Variants in JAKMIP1 observed in about 807,000 individuals in gnomAD.
The protein encoded by JAKMIP1 is janus kinase and microtubule interacting protein 1.
JAKMIP1 carries 33 observed loss-of-function variants against 113.0 expected under a neutral mutation model. The observed-to-expected ratio is 0.29, with a 90% CI of 0.22 to 0.39. The LOEUF (loss-of-function observed/expected upper bound fraction) is 0.39, where lower values mean the gene tolerates loss of function less well. Among genes scored for constraint, JAKMIP1 ranks in the 10% least tolerant of loss-of-function variants. The pLI, the probability that JAKMIP1 is intolerant of heterozygous loss-of-function variation, is 1.00. For synonymous variants in JAKMIP1, 480 were observed against 459.9 expected (o/e 1.04, Z -0.56); for missense variants, 813 against 1,080.5 (o/e 0.75, Z 3.47).
chr4:6,070,322 C>T (rs1446501268), intron 8 of JAKMIP1: 1 of 385,102 alleles, frequency 2.6e-6, no homozygotes, highest in African/African-American at 2.1e-5. Flanking sequence ...CCTAGCAACT[C>T]CACGGCTTCC....
intron 20 of JAKMIP1, among the ~76,000 whole-genome samples, chr4:6,026,776 C>G (rs924514442): frequency 6.6e-6 from 1 of 152,160 alleles, no homozygotes; most frequent in African/African-American, 2.4e-5. Context: ...GCCCAACCCT[C>G]TACCCACAGG....
chr4:6,077,228 C>T (rs1719804984), intron 8 of JAKMIP1, among the ~76,000 whole-genome samples: 1 of 152,198 alleles, frequency 6.6e-6, no homozygotes, highest in African/African-American at 2.4e-5. Context: ...GGGTGGACTC[C>T]TAATCCAGCA....
At chr4:6,133,922 G>A (rs1476928477) in intron 1 of JAKMIP1, among the ~76,000 whole-genome samples, 2 of 152,212 alleles carry the variant, frequency 1.3e-5, no homozygotes, top group African/African-American at 4.8e-5. Flanking sequence ...ATGACCAGAC[G>A]GAGGGGGCTG....
intron 2 of JAKMIP1, among the ~76,000 whole-genome samples, chr4:6,109,882 A>C (rs1222969374): frequency 6.6e-6 from 1 of 152,328 alleles, no homozygotes; most frequent in African/African-American, 2.4e-5. Context: ...CTGAATTCTC[A>C]GAGAATTGAA....
At chr4:6,111,906 T>C (rs1011192241) in intron 2 of JAKMIP1, among the ~76,000 whole-genome samples, 7 of 152,230 alleles carry the variant, frequency 4.6e-5, no homozygotes, top group South Asian at 2.1e-4. Context: ...CAAGACCTCA[T>C]GGCAGCATAA....
At chr4:6,191,348 C>G (rs1446450923) in intron 1 of JAKMIP1, among the ~76,000 whole-genome samples, 1 of 152,204 alleles carries the variant, frequency 6.6e-6, no homozygotes, top group Admixed American at 6.5e-5. Context: ...CTGAGGCCCT[C>G]AGAGAACTCA....
intron 5 of JAKMIP1, among the ~76,000 whole-genome samples, chr4:6,084,199 C>A (rs1452172654): frequency 6.6e-6 from 1 of 151,978 alleles, no homozygotes; most frequent in East Asian, 1.9e-4. Context: ...TGCCTGTAAT[C>A]CCAGCTACTC....
chr4:6,103,926 C>G (rs758600847), intron 3 of JAKMIP1, among the ~76,000 whole-genome samples: 13 of 149,026 alleles, frequency 8.7e-5, no homozygotes, highest in Non-Finnish European at 2.0e-4. Context: ...TTAATTAACT[C>G]TTGAATTTGT....
At position 6,064,768 on chromosome 4, in the gene JAKMIP1, C is replaced by T. The variant is rs1717813498; in HGVS notation, c.1431+112G>A. 1 of 1,390,930 alleles carries T rather than the reference C, an allele frequency of 7.2e-7. No homozygotes were observed. Among genetic ancestry groups the T allele is most frequent in the African/African-American group, 1.4e-5 (1 of 69,760 alleles). 86.2% of individuals were successfully genotyped at this position (1,390,930 alleles called of 1,614,324 possible). On this transcript the variant is annotated intron_variant, in intron 9 of 20. Coordinates refer to ENST00000409021, the MANE Select transcript of JAKMIP1 (RefSeq NM_001099433.2). This position sits in a 1 kb window ranked among gnomAD's most constrained non-coding sequence, Gnocchi z 4.3. Reference sequence around the variant, plus strand: ...TAATGCACTGGTAGGAACTGGTCATCTGGGGTTCAGAACTATAGGCAAGGG... The same window carrying T: ...TAATGCACTGGTAGGAACTGGTCATTTGGGGTTCAGAACTATAGGCAAGGG...
At chr4:6,091,098 G>A (rs756777289) in intron 3 of JAKMIP1, among the ~76,000 whole-genome samples, 6 of 152,214 alleles carry the variant, frequency 3.9e-5, no homozygotes, top group Non-Finnish European at 8.8e-5. Flanking sequence ...TCTTCTGAAT[G>A]TGTTGCCATG....
At chr4:6,124,894 C>T (rs542587905) in intron 1 of JAKMIP1, among the ~76,000 whole-genome samples, 4 of 152,344 alleles carry the variant, frequency 2.6e-5, no homozygotes, top group Non-Finnish European at 4.4e-5. Flanking sequence ...AGGCCACCAT[C>T]GGGTGACCAT....
rs528251032 is a variant in JAKMIP1, at chr4:6,065,365, C to T, written c.1303-357G>A. Among the ~76,000 whole-genome samples the T allele has an allele frequency of 2.6e-5, 4 of 152,180 alleles. No homozygotes were observed. The highest frequency in any genetic ancestry group is 5.9e-5 in the Non-Finnish European group (4 of 68,044). On this transcript the variant is annotated intron_variant, in intron 8 of 20. Coordinates refer to ENST00000409021, the MANE Select transcript of JAKMIP1 (RefSeq NM_001099433.2). This position sits in a 1 kb window ranked among gnomAD's most constrained non-coding sequence, Gnocchi z 5.1. ...GAGCACAAAAGGGGGCCATGCATGC[C>T]CTGTGCCCAGAAAGCAGCCCAGCAC...
intron 8 of JAKMIP1, 71 bp downstream of exon 8, chr4:6,078,868 C>G (rs1269389854): frequency 1.3e-6 from 2 of 1,512,820 alleles, no homozygotes. Context: ...CCTCCCCACT[C>G]CACGACCCAT....
At chr4:6,100,641 A>G (rs1712851143) in intron 3 of JAKMIP1, among the ~76,000 whole-genome samples, 1 of 152,178 alleles carries the variant, frequency 6.6e-6, no homozygotes. Context: ...TAGACTTTTT[A>G]AGAAACTACA....
rs1250836241 is a variant in JAKMIP1 at position 6,168,986 on chromosome 4, G to T, written c.-148+31267C>A. Among the ~76,000 whole-genome samples, 1 of 152,128 alleles carries T rather than the reference G, an allele frequency of 6.6e-6. No homozygotes were observed. The highest frequency in any genetic ancestry group is 1.5e-5 in the Non-Finnish European group (1 of 68,016). On this transcript the variant is annotated intron_variant, in intron 1 of 20. Coordinates refer to ENST00000409021, the MANE Select transcript of JAKMIP1 (RefSeq NM_001099433.2). The surrounding 1 kb of genome is among the most constrained non-coding windows in gnomAD (Gnocchi z 4.6). ...GGTCACGTGAAAGGAAGAGTTGGTG[G>T]TGGGGACTGTTAATAGGCATTGGAT... is the stretch of plus-strand genomic sequence containing the variant.
At chr4:6,028,180 G>A (rs1026631397) in intron 20 of JAKMIP1, among the ~76,000 whole-genome samples, 1 of 152,232 alleles carries the variant, frequency 6.6e-6, no homozygotes, top group Non-Finnish European at 1.5e-5. Flanking sequence ...ATCTATCTGC[G>A]AAACCAGCTC....
chr4:6,189,503 G>T (rs1277570994), intron 1 of JAKMIP1, among the ~76,000 whole-genome samples: 1 of 152,162 alleles, frequency 6.6e-6, no homozygotes, highest in Non-Finnish European at 1.5e-5. Context: ...TCCTGCTAAG[G>T]TCCCTCCCAA....
Position 6,106,873 on chromosome 4 carries a change from T to C in JAKMIP1, c.130-906A>G, listed in dbSNP as rs1714051224. Among the ~76,000 whole-genome samples the C allele has an allele frequency of 6.6e-6, 1 of 152,212 alleles. No homozygotes were observed. Among genetic ancestry groups the C allele is most frequent in the Non-Finnish European group, 1.5e-5 (1 of 68,036 alleles). On this transcript the variant is annotated intron_variant, in intron 2 of 20. Transcript: ENST00000409021. This position sits in a 1 kb window ranked among gnomAD's most constrained non-coding sequence, Gnocchi z 5.9. The stretch of plus-strand genomic sequence containing the variant: ...CTGAAGACCTGAAATGAATTGCCTC[T>C]GGTGGACAAGCTGCTTCCAGGGAAA...
At chr4:6,115,708 G>A (rs111661590) in intron 1 of JAKMIP1, among the ~76,000 whole-genome samples, 1,801 of 152,258 alleles carry the variant, frequency 0.012, 39 homozygotes, top group African/African-American at 0.04. Flanking sequence ...CAGTTTTTTC[G>A]TTTTGTTTTG....
Sources: allele counts gnomAD v4.1 joint callset (sites outside exome capture counted in the v4.1 genomes callset), GRCh38; gene constraint gnomAD v4.1.1; non-coding constraint Gnocchi (gnomAD v3.1); transcripts MANE v1.5; gene names NCBI Gene and HGNC (gene_info 2026-07-23, HGNC 2026-07-21).